The following SEMA5B variants were observed in gnomAD, a reference collection of about 807,000 sequenced individuals.
SEMA5B encodes the protein semaphorin 5B.
In SEMA5B, 66 loss-of-function variants were observed where a neutral mutation model predicts 135.0. That is an observed-to-expected ratio of 0.49 (90% CI 0.40 to 0.60). The LOEUF (loss-of-function observed/expected upper bound fraction) is 0.60. SEMA5B is among the 20% of genes least tolerant of loss of function. SEMA5B has a pLI of 0.00. For synonymous variants in SEMA5B, 690 were observed against 639.5 expected (o/e 1.08, Z -1.19); for missense variants, 1,501 against 1,566.3 (o/e 0.96, Z 0.70).
chr3:122,922,533 T>G, intron 10 of SEMA5B, 86 bp from the exon 11 acceptor site: 3 of 1,274,452 alleles, frequency 2.4e-6, no homozygotes, highest in Middle Eastern at 2.3e-4. Context: ...GCAACCCAGG[T>G]GGCCACAGCA....
chr3:122,948,215 A>G (rs763480723), intron 3 of SEMA5B, among the ~76,000 whole-genome samples: 6 of 152,120 alleles, frequency 3.9e-5, no homozygotes, highest in Admixed American at 6.5e-5. Context: ...CAGCCAGGGC[A>G]TCCACAACTT....
chr3:122,935,935 C>A (rs137943723), intron 5 of SEMA5B, among the ~76,000 whole-genome samples: 2,708 of 152,120 alleles, frequency 0.018, 46 homozygotes, highest in Non-Finnish European at 0.029. Flanking sequence ...TCAGGTGATC[C>A]GCCTGCCTTG....
At chr3:122,914,294 C>T in intron 14 of SEMA5B, among the ~76,000 whole-genome samples, 1 of 152,240 alleles carries the variant, frequency 6.6e-6, no homozygotes, top group East Asian at 1.9e-4. Flanking sequence ...AGGGCAGACT[C>T]TTTAGAGAAG....
At chr3:122,929,463 G>A (rs918584582) in intron 5 of SEMA5B, among the ~76,000 whole-genome samples, 3 of 152,220 alleles carry the variant, frequency 2.0e-5, no homozygotes, top group East Asian at 3.9e-4. Flanking sequence ...CCTCAACTCA[G>A]CGGCAGGCAG....
chr3:123,013,295 C>G (rs762157441), intron 1 of SEMA5B, among the ~76,000 whole-genome samples: 5 of 152,188 alleles, frequency 3.3e-5, no homozygotes, highest in Non-Finnish European at 5.9e-5. Flanking sequence ...ACAGTGTAAG[C>G]TCTCAGGAAA....
intron 12 of SEMA5B, 37 bp from the exon 13 acceptor site, chr3:122,915,927 C>A (rs202016691): frequency 3.9e-6 from 6 of 1,534,506 alleles, no homozygotes; most frequent in Non-Finnish European, 4.5e-6. Context: ...AGCCCACTGG[C>A]TTCCCAGCCT....
chr3:122,917,539 T>G (rs1046299446), intron 12 of SEMA5B, among the ~76,000 whole-genome samples: 2 of 152,086 alleles, frequency 1.3e-5, no homozygotes, highest in African/African-American at 4.8e-5. Context: ...TGCAGTGGGT[T>G]CAATAGATCA....
At position 122,926,542 on chromosome 3, in the gene SEMA5B, C is replaced by T. The variant is rs769497254; in HGVS notation, c.986G>A (p.Arg329Gln). ...ARVCKNDVGGRFLLEDTWTTF... is the reference protein window; with the variant it reads ...ARVCKNDVGGQFLLEDTWTTF... Reference sequence around the variant, plus strand: ...GGTCCATGTGTCCTCCAGCAGGAATCGGCCCCCCACGTCATTCTTGCACAC... The same window carrying T: ...GGTCCATGTGTCCTCCAGCAGGAATTGGCCCCCCACGTCATTCTTGCACAC... Residue 329 changes from arginine (R) to glutamine (Q), a missense_variant, in exon 9 of 23, where the codon CGA becomes CAA. Transcript: ENST00000357599. The T allele has an allele frequency of 6.2e-6, 10 of 1,614,258 alleles. No individual in the cohort carries two copies. The highest frequency in any genetic ancestry group is 4.0e-5 in the African/African-American group (3 of 75,076).
At chr3:122,960,690 G>A (rs573005703) in intron 2 of SEMA5B, among the ~76,000 whole-genome samples, 5 of 152,318 alleles carry the variant, frequency 3.3e-5, no homozygotes, top group South Asian at 2.1e-4. Flanking sequence ...TGGCCCTTGC[G>A]GACATTATGC....
intron 5 of SEMA5B, among the ~76,000 whole-genome samples, chr3:122,939,210 G>T (rs2107512587): frequency 6.6e-6 from 1 of 152,368 alleles, no homozygotes; most frequent in Middle Eastern, 3.4e-3. Context: ...AGCCTTGTGT[G>T]CCTCTGCGTA....
intron 1 of SEMA5B, among the ~76,000 whole-genome samples, chr3:122,966,556 TATTATTA>T (rs1560378796): frequency 2.7e-5 from 4 of 149,472 alleles, no homozygotes; most frequent in African/African-American, 9.9e-5. Flanking sequence ...TTATTATTAT[TATTATTA>T]TTATTTTTTG....
chr3:122,989,516 C>A (rs944174634), intron 1 of SEMA5B, among the ~76,000 whole-genome samples: 4 of 152,226 alleles, frequency 2.6e-5, no homozygotes, highest in Non-Finnish European at 5.9e-5. Context: ...TCTATGGCAG[C>A]CCACAAGGGC....
At chr3:122,930,564 G>A (rs548569858) in intron 5 of SEMA5B, among the ~76,000 whole-genome samples, 2 of 152,350 alleles carry the variant, frequency 1.3e-5, no homozygotes, top group African/African-American at 2.4e-5. Flanking sequence ...CAAAAGCCCC[G>A]GACGGTGGGC....
intron 9 of SEMA5B, among the ~76,000 whole-genome samples, chr3:122,925,874 T>C (rs1303823853): frequency 6.6e-6 from 1 of 150,620 alleles, no homozygotes; most frequent in South Asian, 2.1e-4. Context: ...GGGAGGAGGG[T>C]CCCATGATCT....
chr3:122,945,489 C>T (rs939705595), intron 3 of SEMA5B, among the ~76,000 whole-genome samples: 1 of 152,188 alleles, frequency 6.6e-6, no homozygotes, highest in African/African-American at 2.4e-5. Flanking sequence ...TCTTATTTTG[C>T]TCCACATTCT....
intron 4 of SEMA5B, among the ~76,000 whole-genome samples, chr3:122,943,112 C>A (rs1419559516): frequency 6.6e-6 from 1 of 152,176 alleles, no homozygotes; most frequent in Non-Finnish European, 1.5e-5. Context: ...GGGGAATTGG[C>A]CCAGAAAACC....
intron 1 of SEMA5B, among the ~76,000 whole-genome samples, chr3:122,999,901 G>A (rs961128754): frequency 6.6e-6 from 1 of 152,188 alleles, no homozygotes; most frequent in Non-Finnish European, 1.5e-5. Flanking sequence ...AGAGAGCCAT[G>A]AAAATAGACT....
intron 10 of SEMA5B, 140 bp from the exon 11 acceptor site, chr3:122,922,587 C>G: frequency 1.3e-6 from 1 of 744,012 alleles, no homozygotes; most frequent in Non-Finnish European, 2.2e-6. Flanking sequence ...AGCATCCCTG[C>G]TGGGCGTCCT....
At chr3:123,017,399 C>T (rs976311963) in intron 1 of SEMA5B, among the ~76,000 whole-genome samples, 3 of 152,034 alleles carry the variant, frequency 2.0e-5, no homozygotes, top group Admixed American at 1.3e-4. Context: ...AAACTCACAA[C>T]CAAAAAGCAG....
Sources: allele counts gnomAD v4.1 joint callset (sites outside exome capture counted in the v4.1 genomes callset), GRCh38; gene constraint gnomAD v4.1.1; transcripts MANE v1.5; gene names NCBI Gene and HGNC (gene_info 2026-07-23, HGNC 2026-07-21).